ASIC2: variants seen among roughly 807,000 people sequenced by gnomAD.
ASIC2 encodes the protein acid sensing ion channel subunit 2, also known as acid-sensing ion channel 2.
Under a neutral mutation model 57.3 loss-of-function variants are expected in ASIC2, and 25 were observed. The observed-to-expected ratio is 0.44, with a 90% CI of 0.32 to 0.61. The LOEUF is 0.61. Among genes scored for constraint, ASIC2 ranks in the 20% least tolerant of loss-of-function variants. The pLI, the probability that ASIC2 is intolerant of heterozygous loss-of-function variation, is 0.06. For synonymous variants in ASIC2, 319 were observed against 307.5 expected, an observed-to-expected ratio of 1.04 and a Z score of -0.39; for missense variants, 641 against 738.1, an observed-to-expected ratio of 0.87 and a Z score of 1.52.
intron 1 of ASIC2, among the ~76,000 whole-genome samples, chr17:33,826,677 T>C (rs1219770062): frequency 1.3e-5 from 2 of 152,294 alleles, no homozygotes; most frequent in African/African-American, 2.4e-5. Flanking sequence ...ATTACCTCTG[T>C]GCTCCTAAGG....
At chr17:33,556,205 C>T (rs9900851) in intron 1 of ASIC2, among the ~76,000 whole-genome samples, 15,434 of 152,180 alleles carry the variant, frequency 0.1, 2,071 homozygotes, top group African/African-American at 0.31. Context: ...GGCTATCAAC[C>T]CACCTTGGAC....
chr17:33,563,394 A>T (rs1417682088), intron 1 of ASIC2, among the ~76,000 whole-genome samples: 1 of 152,228 alleles, frequency 6.6e-6, no homozygotes, highest in East Asian at 1.9e-4. Flanking sequence ...ACCGGGAATT[A>T]AATCCACGCT....
chr17:34,031,363 C>T (rs1395996951), intron 1 of ASIC2, among the ~76,000 whole-genome samples: 1 of 152,086 alleles, frequency 6.6e-6, no homozygotes, highest in Admixed American at 6.5e-5. Flanking sequence ...CCCATCTGTA[C>T]CTCACCATCA....
chr17:33,024,515 G>A (rs2091851428), intron 5 of ASIC2, among the ~76,000 whole-genome samples: 1 of 152,132 alleles, frequency 6.6e-6, no homozygotes, highest in Non-Finnish European at 1.5e-5. Flanking sequence ...CCCTGCATCT[G>A]GAACCCTTCC....
At chr17:33,443,054 C>CTATTAA (rs1911879956) in intron 1 of ASIC2, among the ~76,000 whole-genome samples, 5 of 152,114 alleles carry the variant, frequency 3.3e-5, no homozygotes, top group Admixed American at 3.3e-4. Flanking sequence ...GATATTTCTT[C>CTATTAA]TATTAATATG....
At chr17:34,025,231 T>G (rs1312371229) in intron 1 of ASIC2, among the ~76,000 whole-genome samples, 2 of 152,216 alleles carry the variant, frequency 1.3e-5, no homozygotes, top group Non-Finnish European at 2.9e-5. Context: ...CTAGAGAGAT[T>G]TCTGAGATTC....
At chr17:33,310,812 T>C (rs150150043) in intron 1 of ASIC2, among the ~76,000 whole-genome samples, 1 of 152,352 alleles carries the variant, frequency 6.6e-6, no homozygotes, top group East Asian at 1.9e-4. Context: ...CTTATCCAAA[T>C]ATATAGATAG....
intron 1 of ASIC2, among the ~76,000 whole-genome samples, chr17:33,166,826 A>T (rs1178281265): frequency 1.3e-5 from 2 of 152,262 alleles, no homozygotes; most frequent in Non-Finnish European, 2.9e-5. Context: ...AACTCATCAG[A>T]GAATGTCAAA....
At chr17:33,289,319 A>G (rs1011498352) in intron 1 of ASIC2, among the ~76,000 whole-genome samples, 1 of 152,180 alleles carries the variant, frequency 6.6e-6, no homozygotes, top group African/African-American at 2.4e-5. Flanking sequence ...CTCCCTAACA[A>G]TTGACCCACA....
chr17:33,568,465 CT>C (rs1916318851), intron 1 of ASIC2, among the ~76,000 whole-genome samples: 1 of 152,176 alleles, frequency 6.6e-6, no homozygotes, highest in African/African-American at 2.4e-5. Context: ...AACTAAGGGT[CT>C]TAAATAAGAC....
At chr17:33,272,019 T>G (rs1383099584) in intron 1 of ASIC2, among the ~76,000 whole-genome samples, 1 of 151,576 alleles carries the variant, frequency 6.6e-6, no homozygotes, top group Non-Finnish European at 1.5e-5. Context: ...TTCATTCTCA[T>G]CTCAGAGACT....
intron 1 of ASIC2, chr17:33,984,259 C>G (rs1905731632): frequency 6.6e-6 from 1 of 152,298 alleles, no homozygotes; most frequent in African/African-American, 2.4e-5. Flanking sequence ...ACTTCTCTCA[C>G]TGGTCCCAGT....
rs1598050947 is a variant in ASIC2 at position 34,156,269 on chromosome 17, A to T, written c.264T>A (p.Ala88=). Residue 88 remains alanine (A), a synonymous_variant, in exon 1 of 10, where the codon GCT becomes GCA. Transcript: ENST00000359872. The surrounding 1 kb of genome is among the most constrained non-coding windows in gnomAD (Gnocchi z 4.4). ...AGCCATTCAGGTTACAGAGGGTCAC[A>T]GCTGGGAAGACCAGGCTTTGAGCCA... The T allele has an allele frequency of 6.2e-7, 1 of 1,614,206 alleles. No homozygotes were observed. The highest frequency in any genetic ancestry group is 8.5e-7 in the Non-Finnish European group (1 of 1,180,036).
intron 1 of ASIC2, among the ~76,000 whole-genome samples, chr17:33,756,189 A>G (rs1410483061): frequency 1.3e-5 from 2 of 152,242 alleles, no homozygotes; most frequent in African/African-American, 4.8e-5. Context: ...GCACCTGACC[A>G]CAGGTCATCA....
chr17:33,819,644 T>A (rs1301293605), intron 1 of ASIC2, among the ~76,000 whole-genome samples: 1 of 152,216 alleles, frequency 6.6e-6, no homozygotes. Context: ...ATGCTGAGAC[T>A]GTGACCTTGG....
rs972632459 is a variant in ASIC2, at chr17:33,889,738, C to A, written c.555+266240G>T. Among the ~76,000 whole-genome samples the A allele has an allele frequency of 2.6e-5, 4 of 152,318 alleles. No homozygotes were observed. The South Asian group carries it at 8.3e-4, about 32-fold the overall frequency. On this transcript the variant is annotated intron_variant, in intron 1 of 9. Transcript: ENST00000359872. ...TTGGGACAGATAATCAGCCCTCACT[C>A]CAGTGCAGATGCAAAGAGGCGGGAG... is the stretch of plus-strand genomic sequence containing the variant.
chr17:33,244,315 A>G (rs1908614535), intron 1 of ASIC2, among the ~76,000 whole-genome samples: 1 of 152,178 alleles, frequency 6.6e-6, no homozygotes, highest in South Asian at 2.1e-4. Context: ...TCATCCATTG[A>G]CTGGAGAAAA....
intron 1 of ASIC2, among the ~76,000 whole-genome samples, chr17:33,404,945 A>C (rs1281884303): frequency 6.6e-6 from 1 of 152,106 alleles, no homozygotes; most frequent in South Asian, 2.1e-4. Flanking sequence ...GTCCTAAAAA[A>C]CTTGAATGAC....
intron 1 of ASIC2, among the ~76,000 whole-genome samples, chr17:33,974,866 G>T (rs1363572369): frequency 6.6e-6 from 1 of 152,072 alleles, no homozygotes; most frequent in Non-Finnish European, 1.5e-5. Flanking sequence ...ATATAAACTT[G>T]CAGCCCCACC....
Sources: gnomAD v4.1 joint callset for allele counts (sites outside exome capture counted in the v4.1 genomes callset) on GRCh38, gnomAD v4.1.1 for gene constraint, Gnocchi (gnomAD v3.1) non-coding constraint, MANE v1.5 for transcripts, NCBI Gene and HGNC (gene_info 2026-07-23, HGNC 2026-07-21) for gene names.